The following HR variants were observed in gnomAD, a reference collection of about 807,000 sequenced individuals.
The protein encoded by HR is HR lysine demethylase and nuclear receptor corepressor.
HR carries 83 observed loss-of-function variants against 128.6 expected under a neutral mutation model. The observed-to-expected ratio is 0.65, with a 90% CI of 0.54 to 0.77. The LOEUF is 0.77. HR is among the 30% of genes least tolerant of loss of function. The pLI, the probability that HR is intolerant of heterozygous loss-of-function variation, is 0.00. For synonymous variants in HR, 681 were observed against 658.2 expected, an observed-to-expected ratio of 1.03 and a Z score of -0.53; for missense variants, 1,490 against 1,574.6, an observed-to-expected ratio of 0.95 and a Z score of 0.91.
chr8:22,123,640 C>G lies in HR; in HGVS notation c.1915+9G>C. ...CATCCCGCCCTCCCACCCCCAGCCC[C>G]TCTCCTACCTGCTTTCTCCCTGGCC... is the stretch of plus-strand genomic sequence containing the variant. On this transcript the variant is annotated intron_variant, in intron 6 of 18. Coordinates refer to ENST00000381418, the MANE Select transcript of HR (RefSeq NM_005144.5). 1 of 1,523,188 alleles carries G rather than the reference C, an allele frequency of 6.6e-7. No homozygotes were observed. The highest frequency in any genetic ancestry group is 1.4e-5 in the African/African-American group (1 of 72,230). The allele number at this position is 1,523,188 out of a possible 1,614,324, so 94.4% of individuals were successfully genotyped here. A position where few individuals can be genotyped will look rare whatever the true frequency, so the allele number is the denominator to read the frequency against.
At chr8:22,119,100 C>T (rs1278589124) in intron 15 of HR, 35 bp from the exon 16 acceptor site, 2 of 1,613,656 alleles carry the variant, frequency 1.2e-6, no homozygotes, top group Middle Eastern at 1.6e-4. Flanking sequence ...AGGCCCAGGG[C>T]TGGTGGCGAC....
intron 18 of HR, 45 bp from the exon 19 acceptor site, chr8:22,115,807 G>C: frequency 1.9e-6 from 3 of 1,581,458 alleles, no homozygotes; most frequent in Non-Finnish European, 1.7e-6. Flanking sequence ...TACATTCCTG[G>C]GCCCACCCGC....
chr8:22,115,673 C>A lies in HR; in HGVS notation c.*27G>T. On this transcript the variant is annotated 3_prime_UTR_variant, in exon 19 of 19. Transcript: ENST00000381418. ...TGAGCACCTGGTCTACCTGTCCCCA[C>A]CCCGATCCCAGACACCTAGCATCCC... 1 of 1,610,338 alleles carries A rather than the reference C, an allele frequency of 6.2e-7. No homozygotes were observed. Among genetic ancestry groups the A allele is most frequent in the South Asian group, 1.1e-5 (1 of 90,998 alleles).
chr8:22,125,713 G>A lies in HR; in HGVS notation c.1425C>T (p.Ala475=). The change falls in exon 4 of 19, where the codon GCC becomes GCT. Residue 475 remains alanine, a synonymous_variant. Coordinates refer to ENST00000381418, the MANE Select transcript of HR (RefSeq NM_005144.5). ...CCTGAAGTCCCGGGTCCTGGAGACTGGCCTGGCCATCTTGGGGTCCTGAGG... is the reference window on the plus strand; with the variant it reads ...CCTGAAGTCCCGGGTCCTGGAGACTAGCCTGGCCATCTTGGGGTCCTGAGG... ...DEQKGPQDGQ[A]SLQDPGLQDI... 2 of 1,613,920 alleles carry A rather than the reference G, an allele frequency of 1.2e-6. No individual in the cohort carries two copies.
Position 22,128,645 on chromosome 8 carries a change from G to C in HR, c.526C>G (p.Pro176Ala), listed in dbSNP as rs1220247036. ...YLVSGLPPEH[P>A]CDWPLTPHPW... ...TGCGGGGTCAGGGGCCAGTCACATGGATGCTCTGGGGGCAGGCCAGACACT... is the reference window on the plus strand; with the variant it reads ...TGCGGGGTCAGGGGCCAGTCACATGCATGCTCTGGGGGCAGGCCAGACACT... The change falls in exon 2 of 19, where the codon CCA (proline) becomes GCA (alanine). Residue 176 changes from proline to alanine, a missense_variant. This residue lies in a region of HR where 1,060 missense variants were observed against 1,060.9 expected (regional missense o/e 1.00). Coordinates refer to ENST00000381418, the MANE Select transcript of HR (RefSeq NM_005144.5). The C allele has an allele frequency of 6.3e-7, 1 of 1,594,282 alleles. No individual in the cohort carries two copies. The highest frequency in any genetic ancestry group is 1.3e-5 in the African/African-American group (1 of 74,836).
At chr8:22,121,304 G>C in intron 9 of HR, 76 bp from the exon 10 acceptor site, 2 of 1,551,218 alleles carry the variant, frequency 1.3e-6, no homozygotes, top group Non-Finnish European at 1.8e-6. Context: ...TGCCCATGCT[G>C]CTCTTCCCTC....
intron 16 of HR, 36 bp downstream of exon 16, chr8:22,118,914 C>T (rs1175579523): frequency 1.4e-5 from 21 of 1,473,018 alleles, no homozygotes; most frequent in Admixed American, 7.0e-5. Flanking sequence ...TAGGGCTGGG[C>T]GGGGGGAAGG....
chr8:22,130,180 C>A (rs1303745423), intron 1 of HR, among the ~76,000 whole-genome samples: 1 of 152,236 alleles, frequency 6.6e-6, no homozygotes, highest in Non-Finnish European at 1.5e-5. Context: ...TGCCTTGGCG[C>A]GGTCCCTTCG....
intron 2 of HR, chr8:22,128,125 A>G: frequency 1.8e-6 from 1 of 551,958 alleles, no homozygotes; most frequent in Non-Finnish European, 3.3e-6. Context: ...GTCCTGTGCC[A>G]TACTGAGTTT....
Position 22,116,515 on chromosome 8 carries a change from G to A in HR, c.3379-87C>T, listed in dbSNP as rs377748456. The A allele has an allele frequency of 4.5e-6, 7 of 1,539,892 alleles. No homozygotes were observed. Among genetic ancestry groups the A allele is most frequent in the East Asian group, 4.9e-5 (2 of 41,024 alleles). ...GTCCCTGAGGTTCGCTTCCTCTAAT[G>A]ACAACCACCCCCGACCCCTGGCTCT... On this transcript the variant is annotated intron_variant, in intron 17 of 18. Coordinates refer to ENST00000381418, the MANE Select transcript of HR (RefSeq NM_005144.5). This position sits in a 1 kb window ranked among gnomAD's most constrained non-coding sequence, Gnocchi z 4.2.
chr8:22,121,299 A>G (rs547812095), intron 9 of HR, 71 bp from the exon 10 acceptor site: 1 of 1,564,430 alleles, frequency 6.4e-7, no homozygotes, highest in African/African-American at 1.4e-5. Context: ...CCTCTTGCCC[A>G]TGCTGCTCTT....
Position 22,115,571 on chromosome 8 carries a change from C to T in HR, c.*129G>A. The stretch of plus-strand genomic sequence containing the variant: ...GGGGAACAGAGTGCCCTGCTTGTGC[C>T]CAGAGTGGTGCTTGTGGGGTTGACC... On this transcript the variant is annotated 3_prime_UTR_variant, in exon 19 of 19. Transcript: ENST00000381418. 1.2e-6 allele frequency: 1 copy of T among 804,992 alleles called. No homozygotes were observed. The highest frequency in any genetic ancestry group is 2.1e-6 in the Non-Finnish European group (1 of 468,396). The allele number at this position is 804,992 out of a possible 1,614,324, so 49.9% of individuals were successfully genotyped here.
At chr8:22,128,148 C>T in intron 2 of HR, 1 of 521,806 alleles carries the variant, frequency 1.9e-6, no homozygotes, top group South Asian at 2.1e-5. Context: ...AGTGTTTTAA[C>T]ATCTCATCCC....
chr8:22,124,477 G>A (rs954956999), intron 5 of HR, among the ~76,000 whole-genome samples: 2 of 152,222 alleles, frequency 1.3e-5, no homozygotes, highest in East Asian at 1.9e-4. Context: ...ACAATTCAAC[G>A]AACGCCTTGC....
rs748229713 is a variant in HR at position 22,127,230 on chromosome 8, C to T, written c.1212G>A (p.Pro404=). The change falls in exon 3 of 19, where the codon CCG becomes CCA. Residue 404 remains proline, a synonymous_variant. Coordinates refer to ENST00000381418, the MANE Select transcript of HR (RefSeq NM_005144.5). ...TTTTGAGGGCCCGGAGCCGAGCAACCGGCCTCTCCTCGACCTCAGGGCAGC... is the reference window on the plus strand; with the variant it reads ...TTTTGAGGGCCCGGAGCCGAGCAACTGGCCTCTCCTCGACCTCAGGGCAGC... ...PRGCPEVEER[P]VARLRALKRA... is the part of the protein sequence containing the mutation. 12 of 1,613,102 alleles carry T rather than the reference C, an allele frequency of 7.4e-6. No homozygotes were observed. The highest frequency in any genetic ancestry group is 9.3e-6 in the Non-Finnish European group (11 of 1,180,022).
chr8:22,119,576 C>T (rs1826680929), intron 14 of HR, among the ~76,000 whole-genome samples, 184 bp downstream of exon 14: 1 of 151,210 alleles, frequency 6.6e-6, no homozygotes. Context: ...CATTGCACTC[C>T]AGCCTGGGCA....
rs1216157333 is a variant in HR, at chr8:22,116,293, C to G, written c.3507+7G>C. ...ACACCCAGCCTGCTGGCCCACATCC[C>G]ACTCACCTGGGCATAAAGCAGGTGG... On this transcript the variant is annotated splice_region_variant and intron_variant, in intron 18 of 18. Coordinates refer to ENST00000381418, the MANE Select transcript of HR (RefSeq NM_005144.5). The surrounding 1 kb of genome is among the most constrained non-coding windows in gnomAD (Gnocchi z 4.2). 6.2e-7 allele frequency: 1 copy of G among 1,611,826 alleles called. No homozygotes were observed. The highest frequency in any genetic ancestry group is 1.3e-5 in the African/African-American group (1 of 74,866).
At position 22,127,240 on chromosome 8, in the gene HR, T is replaced by A; in HGVS notation, c.1202A>T (p.Glu401Val). 6.2e-7 allele frequency: 1 copy of A among 1,613,094 alleles called. No individual in the cohort carries two copies. The highest frequency in any genetic ancestry group is 8.5e-7 in the Non-Finnish European group (1 of 1,180,022). ...CCGGAGCCGAGCAACCGGCCTCTCC[T>A]CGACCTCAGGGCAGCCGCGTGGACA... ...FECPRGCPEV[E>V]ERPVARLRAL... Residue 401 changes from glutamate to valine, a missense_variant, in exon 3 of 19, where the codon GAG (glutamate) becomes GTG (valine). Coordinates refer to ENST00000381418, the MANE Select transcript of HR (RefSeq NM_005144.5).
chr8:22,122,786 T>A lies in HR; in HGVS notation c.2005+4A>T, dbSNP rs767875505. 1 of 1,551,538 alleles carries A rather than the reference T, an allele frequency of 6.4e-7. No homozygotes were observed. The highest frequency in any genetic ancestry group is 1.2e-5 in the South Asian group (1 of 84,096). On this transcript the variant is annotated splice_donor_region_variant and intron_variant, in intron 7 of 18. Transcript: ENST00000381418. ...GCACGCCCCACCCCTCCAAGATGGC[T>A]CACCCTGGCTGGAGACAAACTGGGT... is the stretch of plus-strand genomic sequence containing the variant.
Sources: allele counts gnomAD v4.1 joint callset (sites outside exome capture counted in the v4.1 genomes callset), GRCh38; gene constraint gnomAD v4.1.1; regional missense constraint gnomAD v4.1.1; non-coding constraint Gnocchi (gnomAD v3.1); transcripts MANE v1.5; gene names NCBI Gene and HGNC (gene_info 2026-07-23, HGNC 2026-07-21).